The following GFY variants were observed in gnomAD, a reference collection of about 807,000 sequenced individuals.
GFY encodes Golgi-associated olfactory signaling regulator.
A neutral mutation model predicts 29.1 loss-of-function variants in GFY; 28 were observed. The observed-to-expected ratio is 0.96, with a 90% confidence interval of 0.71 to 1.32. The LOEUF (loss-of-function observed/expected upper bound fraction) is 1.32, where lower values mean the gene tolerates loss of function less well. Ranked by LOEUF, GFY falls within the 40% of genes most tolerant of loss-of-function variation. The probability of loss-of-function intolerance (pLI) is 0.00; values close to 1 mark genes in which losing one functional copy is unlikely to be tolerated. For synonymous variants in GFY, 277 were observed against 274.5 expected (o/e 1.01, Z -0.09); for missense variants, 656 against 661.9 (o/e 0.99, Z 0.10).
rs1428563807 is a variant in GFY at position 49,428,693 on chromosome 19, A to T, written c.1432A>T (p.Ile478Phe). The T allele has an allele frequency of 6.5e-7, 1 of 1,530,762 alleles. No homozygotes were observed. Among genetic ancestry groups the T allele is most frequent in the East Asian group, 2.5e-5 (1 of 40,224 alleles). The allele number at this position is 1,530,762 out of a possible 1,614,324, so 94.8% of individuals were successfully genotyped here. ...TCCGGATACCTGGGTCCCTTCCCAC[A>T]TCGCCACCAAGCAGCCCCCGCCCAC... Reference protein sequence around the residue: ...YAPDTWVPSHIATKQPPPTPP... With the variant: ...YAPDTWVPSHFATKQPPPTPP... The change falls in exon 4 of 4, where the codon ATC becomes TTC. Residue 478 changes from isoleucine to phenylalanine, a missense_variant. Coordinates refer to ENST00000610896, the MANE Select transcript of GFY (RefSeq NM_001195256.2).
rs1975091606 is a variant in GFY, at chr19:49,427,599, G to A, written c.1169G>A (p.Arg390Gln). ...GTCAACACCATCATCGTGGTGGAGC[G>A]AGTGAAGGAGACCGGTGAGGGGCAG... ...EGVNTIIVVE[R>Q]VKETGVTLVG... The change falls in exon 2 of 4, where the codon CGA (arginine) becomes CAA (glutamine). Residue 390 changes from arginine to glutamine, a missense_variant. By Grantham distance (43) the Arg-to-Gln change is conservative. Coordinates refer to ENST00000610896, the MANE Select transcript of GFY (RefSeq NM_001195256.2). 9 of 1,469,104 alleles carry A rather than the reference G, an allele frequency of 6.1e-6. No homozygotes were observed. The highest frequency in any genetic ancestry group is 2.5e-5 in the East Asian group (1 of 40,564). 91.0% of individuals were successfully genotyped at this position (1,469,104 alleles called of 1,614,324 possible).
rs1294827947 is a variant in GFY at position 49,426,761 on chromosome 19, A to G, written c.331A>G (p.Thr111Ala). ...SPETPKADSL[T>A]TSISESLDMP... is the part of the protein sequence containing the mutation. ...TGAGACCCCCAAAGCTGACTCACTC[A>G]CAACCTCAATATCAGAATCCCTGGA... Residue 111 changes from threonine to alanine, a missense_variant, in exon 2 of 4, where the codon ACA (threonine) becomes GCA (alanine). By Grantham distance (58) the Thr-to-Ala change is moderately conservative (BLOSUM62 0). Coordinates refer to ENST00000610896, the MANE Select transcript of GFY (RefSeq NM_001195256.2). The G allele has an allele frequency of 1.3e-6, 2 of 1,534,742 alleles. No homozygotes were observed. The highest frequency in any genetic ancestry group is 1.2e-5 in the South Asian group (1 of 83,942).
At chr19:49,428,597 C>A (rs2078944081) in intron 3 of GFY, 22 bp from the exon 4 acceptor site, 8 of 1,443,632 alleles carry the variant, frequency 5.5e-6, no homozygotes, top group Non-Finnish European at 7.3e-6. Flanking sequence ...CCAGAGATGA[C>A]CACGCCCCTT....
At chr19:49,424,693 T>C (rs1348513349), upstream of GFY, among the ~76,000 whole-genome samples, 1 of 151,978 alleles carries the variant, frequency 6.6e-6, no homozygotes, top group Non-Finnish European at 1.5e-5. Context: ...TCTACAAAAA[T>C]ACATAAATTA....
chr19:49,428,260 C>T (rs963254490), intron 3 of GFY, 141 bp downstream of exon 3: 2 of 1,116,226 alleles, frequency 1.8e-6, no homozygotes, highest in Non-Finnish European at 2.5e-6. Context: ...CGTCCAGCCC[C>T]CTAAATGTCT....
Position 49,426,569 on chromosome 19 carries a change from G to T in GFY, c.139G>T (p.Gly47Cys), listed in dbSNP as rs1274194145. 1.3e-6 allele frequency: 2 copies of T among 1,535,782 alleles called. No homozygotes were observed. Among genetic ancestry groups the T allele is most frequent in the Admixed American group, 2.0e-5 (1 of 50,962 alleles). Residue 47 changes from glycine (G) to cysteine (C), a missense_variant, in exon 2 of 4, where the codon GGT becomes TGT. Physicochemically the swap from Gly to Cys is radical, Grantham distance 159. Transcript: ENST00000610896. ...CCCCTCTGAGACTTCCCCTCTGAAG[G>T]GTGCTTCTGAAAATTCCAAACGAGA... ...AHPSETSPLKGASENSKRDRL... is the reference protein window; with the variant it reads ...AHPSETSPLKCASENSKRDRL...
Position 49,426,873 on chromosome 19 carries a change from G to T in GFY, c.443G>T (p.Gly148Val). 6.5e-7 allele frequency: 1 copy of T among 1,535,132 alleles called. No individual in the cohort carries two copies. The highest frequency in any genetic ancestry group is 8.7e-7 in the Non-Finnish European group (1 of 1,146,644). The stretch of plus-strand genomic sequence containing the variant: ...GGCCCAACTGAAATGCCACACCCAG[G>T]ATCCCCTGAGACCCCCAAACCTAAC... ...TPGPTEMPHP[G>V]SPETPKPNFS... Residue 148 changes from glycine (G) to valine (V), a missense_variant, in exon 2 of 4, where the codon GGA becomes GTA. Physicochemically the swap from Gly to Val is moderately radical, Grantham distance 109. Coordinates refer to ENST00000610896, the MANE Select transcript of GFY (RefSeq NM_001195256.2).
At position 49,427,517 on chromosome 19, in the gene GFY, A is replaced by G; in HGVS notation, c.1087A>G (p.Ser363Gly). ...AGPPALPGRP[S>G]QLAPATLRAP... The stretch of plus-strand genomic sequence containing the variant: ...TCCCCCTGCTCTTCCAGGGCGCCCC[A>G]GTCAGTTGGCCCCTGCCACTCTGCG... Residue 363 changes from serine to glycine, a missense_variant, in exon 2 of 4, where the codon AGT (serine) becomes GGT (glycine). Ser to Gly is a moderately conservative substitution (Grantham distance 56, BLOSUM62 0). Transcript: ENST00000610896. 1 of 1,528,492 alleles carries G rather than the reference A, an allele frequency of 6.5e-7. No individual in the cohort carries two copies. Among genetic ancestry groups the G allele is most frequent in the African/African-American group, 1.4e-5 (1 of 72,852 alleles). 94.7% of individuals were successfully genotyped at this position (1,528,492 alleles called of 1,614,324 possible).
At chr19:49,424,538 C>T (rs1425597057), upstream of GFY, among the ~76,000 whole-genome samples, 1 of 152,132 alleles carries the variant, frequency 6.6e-6, no homozygotes, top group Non-Finnish European at 1.5e-5. Context: ...GCCAGCACAC[C>T]CAGTCCACAC....
intron 3 of GFY, among the ~76,000 whole-genome samples, 188 bp downstream of exon 3, chr19:49,428,307 C>A (rs1376325772): frequency 6.6e-6 from 1 of 152,222 alleles, no homozygotes; most frequent in Non-Finnish European, 1.5e-5. Flanking sequence ...GCTCCCAATG[C>A]GGTTGGAAAC....
At chr19:49,424,457 G>T (rs1015316957), upstream of GFY, among the ~76,000 whole-genome samples, 4 of 152,122 alleles carry the variant, frequency 2.6e-5, no homozygotes, top group Admixed American at 6.5e-5. Context: ...TGTTGGCCAG[G>T]CTGGTCTTGA....
upstream of GFY, among the ~76,000 whole-genome samples, chr19:49,424,877 TGAG>T (rs1158880269): frequency 6.7e-6 from 1 of 150,282 alleles, no homozygotes; most frequent in African/African-American, 2.5e-5. Context: ...TTATACACAG[TGAG>T]GAGAAGATGG....
chr19:49,425,665 G>C (rs1975064739), intron 1 of GFY, among the ~76,000 whole-genome samples, 176 bp downstream of exon 1: 1 of 152,078 alleles, frequency 6.6e-6, no homozygotes, highest in Non-Finnish European at 1.5e-5. Flanking sequence ...TCTTCTTCAA[G>C]TCCCTACCCC....
At chr19:49,427,803 T>C in intron 2 of GFY, 143 bp from the exon 3 acceptor site, 1 of 1,105,110 alleles carries the variant, frequency 9.0e-7, no homozygotes, top group Non-Finnish European at 1.2e-6. Context: ...GAGGACCGGC[T>C]GGGGTCTGGA....
upstream of GFY, chr19:49,425,347 A>T (rs1975061611): frequency 1.3e-5 from 2 of 151,868 alleles, no homozygotes; most frequent in Non-Finnish European, 2.9e-5. Flanking sequence ...GGCTCCCAGG[A>T]TCCCCTGGGA....
rs1396593841 is a variant in GFY at position 49,427,298 on chromosome 19, G to A, written c.868G>A (p.Val290Met). ...CACTAGTCTCTACCCAGAAACACCT[G>A]TGCCCTTCAAGGATGACGCCACTGC... ...ISTSLYPETP[V>M]PFKDDATALN... Residue 290 changes from valine (V) to methionine (M), a missense_variant, in exon 2 of 4, where the codon GTG (valine) becomes ATG (methionine). By Grantham distance (21) the Val-to-Met change is conservative. Transcript: ENST00000610896. 2.6e-6 allele frequency: 4 copies of A among 1,536,150 alleles called. No homozygotes were observed. The highest frequency in any genetic ancestry group is 1.7e-4 in the Middle Eastern group (1 of 5,990).
Position 49,427,496 on chromosome 19 carries a change from C to T in GFY, c.1066C>T (p.Pro356Ser). 6.5e-7 allele frequency: 1 copy of T among 1,534,214 alleles called. No individual in the cohort carries two copies. Residue 356 changes from proline to serine, a missense_variant, in exon 2 of 4, where the codon CCT becomes TCT. By Grantham distance (74) the Pro-to-Ser change is moderately conservative. Transcript: ENST00000610896. ...PPPSARIAGP[P>S]ALPGRPSQLA... is the part of the protein sequence containing the mutation. ...TCCCTCAGCCCGGATTGCAGGTCCCCCTGCTCTTCCAGGGCGCCCCAGTCA... is the reference window on the plus strand; with the variant it reads ...TCCCTCAGCCCGGATTGCAGGTCCCTCTGCTCTTCCAGGGCGCCCCAGTCA...
chr19:49,426,263 G>A (rs1380874317), intron 1 of GFY, 147 bp from the exon 2 acceptor site: 2 of 1,320,046 alleles, frequency 1.5e-6, no homozygotes, highest in Non-Finnish European at 1.0e-6. Context: ...AGGGACTTGC[G>A]ATTGGGTTCT....
Position 49,426,904 on chromosome 19 carries a change from C to T in GFY, c.474C>T (p.Ser158=). 1 of 1,535,878 alleles carries T rather than the reference C, an allele frequency of 6.5e-7. No individual in the cohort carries two copies. Among genetic ancestry groups the T allele is most frequent in the Non-Finnish European group, 8.7e-7 (1 of 1,146,838 alleles). The change falls in exon 2 of 4, where the codon TCC becomes TCT. Residue 158 remains serine, a synonymous_variant. Coordinates refer to ENST00000610896, the MANE Select transcript of GFY (RefSeq NM_001195256.2). ...CTGAGACCCCCAAACCTAACTTCTCCAAAACTTCACGCCCAGAATTTCCTG... is the reference window on the plus strand; with the variant it reads ...CTGAGACCCCCAAACCTAACTTCTCTAAAACTTCACGCCCAGAATTTCCTG... The part of the protein sequence containing the change: ...GSPETPKPNF[S]KTSRPEFPET...
Sources: allele counts gnomAD v4.1 joint callset (sites outside exome capture counted in the v4.1 genomes callset), GRCh38; gene constraint gnomAD v4.1.1; transcripts MANE v1.5; gene names NCBI Gene and HGNC (gene_info 2026-07-23, HGNC 2026-07-21).